Variants in BMPR1B observed in about 807,000 individuals in gnomAD.
BMPR1B encodes the protein bone morphogenetic protein receptor type 1B.
In BMPR1B, 12 loss-of-function variants were observed where a neutral mutation model predicts 59.1. The observed-to-expected ratio is 0.20, with a 90% CI of 0.13 to 0.33. The LOEUF is 0.33. Among genes scored for constraint, BMPR1B ranks in the 10% least tolerant of loss-of-function variants. BMPR1B has a pLI of 1.00. For missense variants in BMPR1B, 550 were observed against 610.9 expected (o/e 0.90, Z 1.05); for synonymous variants, 237 against 207.3 (o/e 1.14, Z -1.23).
chr4:95,081,286 A>G (rs1296228500), intron 3 of BMPR1B, among the ~76,000 whole-genome samples: 1 of 152,162 alleles, frequency 6.6e-6, no homozygotes, highest in Non-Finnish European at 1.5e-5. Flanking sequence ...CGTTATTAGC[A>G]GCGTGAGAAC....
chr4:95,090,054 G>C (rs1729868113), intron 3 of BMPR1B, among the ~76,000 whole-genome samples: 2 of 151,986 alleles, frequency 1.3e-5, no homozygotes, highest in Admixed American at 1.3e-4. Context: ...TCTAACCCAG[G>C]TGTTTGAATA....
At chr4:95,034,545 C>A (rs1725093926) in intron 3 of BMPR1B, among the ~76,000 whole-genome samples, 1 of 151,998 alleles carries the variant, frequency 6.6e-6, no homozygotes, top group Non-Finnish European at 1.5e-5. Flanking sequence ...TTGTCCATTC[C>A]TGAATTATTT....
intron 3 of BMPR1B, among the ~76,000 whole-genome samples, chr4:95,029,215 T>TAG (rs1346906346): frequency 6.6e-6 from 1 of 151,756 alleles, no homozygotes; most frequent in African/African-American, 2.4e-5. Context: ...TCATTTAGCA[T>TAG]TAGGTATATC....
rs181342487 is a variant in BMPR1B at position 94,807,302 on chromosome 4, T to A, written c.-183+49234T>A. ...GTACAGATGGGATTTCACCATGTTG[T>A]CCAGGCTGCCAAACTCCTGAGCTCA... On this transcript the variant is annotated intron_variant, in intron 1 of 12. Coordinates refer to ENST00000515059, the MANE Select transcript of BMPR1B (RefSeq NM_001203.3). Among the ~76,000 whole-genome samples, 501 of 152,184 alleles carry A rather than the reference T, an allele frequency of 3.3e-3. 1 individual carries two copies. The highest frequency in any genetic ancestry group is 0.012 in the African/African-American group (485 of 41,516).
chr4:95,117,899 A>G (rs763747533), intron 6 of BMPR1B, among the ~76,000 whole-genome samples: 15 of 152,280 alleles, frequency 9.9e-5, no homozygotes, highest in South Asian at 4.1e-4. Flanking sequence ...ATTTAGAAAA[A>G]TAGTAGAATA....
At chr4:94,962,416 G>C (rs1012726261) in intron 2 of BMPR1B, among the ~76,000 whole-genome samples, 7 of 152,106 alleles carry the variant, frequency 4.6e-5, no homozygotes, top group Non-Finnish European at 7.4e-5. Context: ...AGGATTACAG[G>C]CTAGATCTTA....
chr4:94,853,509 T>C (rs1313622531), intron 1 of BMPR1B, among the ~76,000 whole-genome samples: 4 of 152,236 alleles, frequency 2.6e-5, no homozygotes, highest in African/African-American at 4.8e-5. Context: ...CTGTATCTTA[T>C]AGATAGTATT....
At chr4:94,872,882 T>A (rs1726558562) in intron 1 of BMPR1B, among the ~76,000 whole-genome samples, 1 of 152,174 alleles carries the variant, frequency 6.6e-6, no homozygotes, top group South Asian at 2.1e-4. Context: ...ACCTAAGAAG[T>A]TTTAGAGTGA....
intron 1 of BMPR1B, among the ~76,000 whole-genome samples, chr4:94,834,231 A>G (rs1282602849): frequency 6.6e-6 from 1 of 152,164 alleles, no homozygotes; most frequent in African/African-American, 2.4e-5. Flanking sequence ...AGTTGCCTGT[A>G]GGAAGCCACT....
At chr4:94,789,168 G>C (rs1161520692) in intron 1 of BMPR1B, among the ~76,000 whole-genome samples, 4 of 152,192 alleles carry the variant, frequency 2.6e-5, no homozygotes, top group Non-Finnish European at 5.9e-5. Context: ...ATCACAATCC[G>C]ATTGAGAAAT....
At chr4:95,142,932 A>T (rs1455285921) in intron 10 of BMPR1B, among the ~76,000 whole-genome samples, 1 of 151,872 alleles carries the variant, frequency 6.6e-6, no homozygotes, top group Admixed American at 6.6e-5. Flanking sequence ...GAGATACTAT[A>T]TTTTTAAAAA....
intron 1 of BMPR1B, among the ~76,000 whole-genome samples, chr4:94,785,163 G>A (rs1443716990): frequency 6.6e-6 from 1 of 152,144 alleles, no homozygotes; most frequent in African/African-American, 2.4e-5. Context: ...GTTTGTTAAT[G>A]TACCACCTTA....
chr4:94,800,202 A>G (rs1723353089), intron 1 of BMPR1B, among the ~76,000 whole-genome samples: 3 of 152,210 alleles, frequency 2.0e-5, no homozygotes, highest in Admixed American at 2.0e-4. Context: ...GATTAAGCCA[A>G]GATTTACTGT....
intron 1 of BMPR1B, among the ~76,000 whole-genome samples, chr4:94,830,497 A>G (rs1049307677): frequency 6.6e-6 from 1 of 152,168 alleles, no homozygotes; most frequent in African/African-American, 2.4e-5. Context: ...TCCATGTAGC[A>G]TATAATTTTA....
intron 3 of BMPR1B, among the ~76,000 whole-genome samples, chr4:95,088,587 C>G (rs1024273990): frequency 1.3e-5 from 2 of 152,026 alleles, no homozygotes; most frequent in African/African-American, 4.8e-5. Flanking sequence ...TCTCTTGAGG[C>G]TGTTTGACTT....
At chr4:95,096,742 TA>T (rs1730408369) in intron 3 of BMPR1B, among the ~76,000 whole-genome samples, 1 of 19,262 alleles carries the variant, frequency 5.2e-5, no homozygotes, top group African/African-American at 1.2e-4. Flanking sequence ...TAGTTATATA[TA>T]ACTATATATA....
chr4:95,023,414 C>T (rs1238887581), intron 3 of BMPR1B, among the ~76,000 whole-genome samples: 1 of 152,138 alleles, frequency 6.6e-6, no homozygotes, highest in Non-Finnish European at 1.5e-5. Flanking sequence ...CAGAGTCTTG[C>T]TCTGTCATCC....
chr4:94,983,614 G>C (rs899269253), intron 2 of BMPR1B, among the ~76,000 whole-genome samples: 2 of 152,132 alleles, frequency 1.3e-5, no homozygotes, highest in African/African-American at 4.8e-5. Flanking sequence ...TATTAAGCCT[G>C]TTACCACCAC....
chr4:95,153,303 T>A (rs374186715), intron 12 of BMPR1B, among the ~76,000 whole-genome samples: 3 of 152,278 alleles, frequency 2.0e-5, no homozygotes, highest in South Asian at 2.1e-4. Flanking sequence ...GAAACCTACA[T>A]AGGTCTGGAA....
Sources: allele counts gnomAD v4.1 joint callset (sites outside exome capture counted in the v4.1 genomes callset), GRCh38; gene constraint gnomAD v4.1.1; transcripts MANE v1.5; gene names NCBI Gene and HGNC (gene_info 2026-07-23, HGNC 2026-07-21).